The following AGPAT5 variants were observed in gnomAD, a reference collection of about 807,000 sequenced individuals.
AGPAT5 encodes the protein 1-acylglycerol-3-phosphate O-acyltransferase 5.
In AGPAT5, 46 loss-of-function variants were observed where a neutral mutation model predicts 45.6. The ratio of observed to expected loss-of-function variants is 1.01; its 90% CI spans 0.80 to 1.29. AGPAT5 has a LOEUF of 1.29. Among genes scored for constraint, AGPAT5 ranks in the 50% most tolerant of loss-of-function variants. The pLI, the probability that AGPAT5 is intolerant of heterozygous loss-of-function variation, is 0.00. For synonymous variants in AGPAT5, 272 were observed against 167.0 expected, an observed-to-expected ratio of 1.63 and a Z score of -4.85; for missense variants, 673 against 450.7, an observed-to-expected ratio of 1.49 and a Z score of -4.47.
chr8:6,708,716 G>A lies in AGPAT5; in HGVS notation c.48G>A (p.Leu16=). 6.2e-7 allele frequency: 1 copy of A among 1,606,268 alleles called. No homozygotes were observed. Among genetic ancestry groups the A allele is most frequent in the Non-Finnish European group, 8.5e-7 (1 of 1,179,618 alleles). ...ACACGTACTCCATGCGCTACCTGCTGCCCAGCGTCGTGCTCCTGGGCACGG... is the reference window on the plus strand; with the variant it reads ...ACACGTACTCCATGCGCTACCTGCTACCCAGCGTCGTGCTCCTGGGCACGG... ...VLHTYSMRYL[L]PSVVLLGTAP... is the part of the protein sequence containing the mutation. The change falls in exon 1 of 8, where the codon CTG becomes CTA. Residue 16 remains leucine, a synonymous_variant. Coordinates refer to ENST00000285518, the MANE Select transcript of AGPAT5 (RefSeq NM_018361.5).
chr8:6,741,886 T>C (rs762079841), intron 5 of AGPAT5, 135 bp downstream of exon 5: 191 of 633,532 alleles, frequency 3.0e-4, no homozygotes, highest in Non-Finnish European at 4.2e-4. Context: ...AGTGTACATA[T>C]TATCTCTTAG....
chr8:6,744,322 G>A (rs765937312), intron 5 of AGPAT5, among the ~76,000 whole-genome samples: 1 of 152,226 alleles, frequency 6.6e-6, no homozygotes, highest in Non-Finnish European at 1.5e-5. Flanking sequence ...GAAAGCTAGT[G>A]CTCAGCTTTG....
At chr8:6,734,866 CTTTG>C (rs1486176482) in intron 4 of AGPAT5, among the ~76,000 whole-genome samples, 3 of 152,146 alleles carry the variant, frequency 2.0e-5, no homozygotes, top group East Asian at 1.9e-4. Flanking sequence ...GAACTCATTA[CTTTG>C]TTTGTAGGTT....
At chr8:6,729,188 C>G (rs982368078) in intron 2 of AGPAT5, among the ~76,000 whole-genome samples, 1 of 152,124 alleles carries the variant, frequency 6.6e-6, no homozygotes, top group East Asian at 1.9e-4. Context: ...ATTAAAATGG[C>G]TAAATCTTTT....
intron 1 of AGPAT5, among the ~76,000 whole-genome samples, chr8:6,715,085 C>G (rs1007976645): frequency 6.6e-6 from 1 of 152,128 alleles, no homozygotes; most frequent in African/African-American, 2.4e-5. Context: ...TACATTGTTC[C>G]AGGTGCTGTC....
intron 1 of AGPAT5, among the ~76,000 whole-genome samples, chr8:6,724,621 G>C (rs1310212148): frequency 6.6e-6 from 1 of 151,624 alleles, no homozygotes; most frequent in African/African-American, 2.4e-5. Flanking sequence ...ATGAATGCTT[G>C]CTATATTTTT....
At chr8:6,710,071 A>G (rs935603000) in intron 1 of AGPAT5, among the ~76,000 whole-genome samples, 1 of 152,222 alleles carries the variant, frequency 6.6e-6, no homozygotes, top group Non-Finnish European at 1.5e-5. Flanking sequence ...CTTCCACATC[A>G]TGTGACAACT....
chr8:6,728,993 A>G (rs1800778001), intron 2 of AGPAT5, among the ~76,000 whole-genome samples: 1 of 152,208 alleles, frequency 6.6e-6, no homozygotes, highest in South Asian at 2.1e-4. Context: ...CTGGGATCAT[A>G]CACTGTAGGG....
chr8:6,722,517 A>G (rs1800537427), intron 1 of AGPAT5, among the ~76,000 whole-genome samples: 1 of 152,194 alleles, frequency 6.6e-6, no homozygotes, highest in Non-Finnish European at 1.5e-5. Context: ...TCTCTGTGAC[A>G]TTGTGTTATG....
rs930578770 is a variant in AGPAT5 at position 6,716,116 on chromosome 8, G to A, written c.219+7229G>A. On this transcript the variant is annotated intron_variant, in intron 1 of 7. Transcript: ENST00000285518. ...GATGTTACCCCATCTCATTGTCAGG[G>A]TAACTTTTATGTAATATTAACATAT... 3.9e-5 allele frequency among the ~76,000 whole-genome samples: 6 copies of A among 152,140 alleles called. No individual in the cohort carries two copies. In the South Asian group the frequency reaches 1.2e-3, roughly 32 times the overall value.
At position 6,714,113 on chromosome 8, in the gene AGPAT5, A is replaced by C. The variant is rs10112785; in HGVS notation, c.219+5226A>C. 7.0e-3 allele frequency among the ~76,000 whole-genome samples: 1,072 copies of C among 152,284 alleles called. 6 individuals carry two copies. Among genetic ancestry groups the C allele is most frequent in the African/African-American group, 0.023 (974 of 41,554 alleles). ...CTACATTCTTTCTGCACTTCTGCCA[A>C]AATGTTGCCCAGCGTCGTCTCTGAT... On this transcript the variant is annotated intron_variant, in intron 1 of 7. Coordinates refer to ENST00000285518, the MANE Select transcript of AGPAT5 (RefSeq NM_018361.5).
intron 7 of AGPAT5, among the ~76,000 whole-genome samples, chr8:6,756,905 C>G (rs556587541): frequency 3.6e-4 from 55 of 152,294 alleles, no homozygotes; most frequent in African/African-American, 1.3e-3. Context: ...AGACAAAAAG[C>G]ATCCTCATAA....
At chr8:6,735,782 T>C (rs6981720) in intron 4 of AGPAT5, among the ~76,000 whole-genome samples, 1,731 of 152,042 alleles carry the variant, frequency 0.011, 31 homozygotes, top group African/African-American at 0.04. Context: ...TTTCAAAACT[T>C]GGAACAATGT....
chr8:6,752,749 T>G (rs1021858614), intron 6 of AGPAT5, among the ~76,000 whole-genome samples: 1 of 152,256 alleles, frequency 6.6e-6, no homozygotes, highest in African/African-American at 2.4e-5. Flanking sequence ...TGATTTTTAC[T>G]CATGTAACAT....
At chr8:6,723,191 G>T (rs1234480750) in intron 1 of AGPAT5, among the ~76,000 whole-genome samples, 1 of 152,180 alleles carries the variant, frequency 6.6e-6, no homozygotes, top group African/African-American at 2.4e-5. Context: ...GTAAACATCT[G>T]TTAAAAACCA....
chr8:6,754,358 A>T (rs1459844112), intron 6 of AGPAT5, among the ~76,000 whole-genome samples: 1 of 152,182 alleles, frequency 6.6e-6, no homozygotes, highest in Non-Finnish European at 1.5e-5. Context: ...CAATTATATA[A>T]TATGTTAAAA....
At position 6,709,025 on chromosome 8, in the gene AGPAT5, G is replaced by A. The variant is rs1390285875; in HGVS notation, c.219+138G>A. 3 of 827,218 alleles carry A rather than the reference G, an allele frequency of 3.6e-6. No individual in the cohort carries two copies. In the Admixed American group the frequency reaches 6.0e-5, roughly 17 times the overall value. 51.2% of individuals were successfully genotyped at this position (827,218 alleles called of 1,614,324 possible). ...CACGGAGAGCACGTGCCGCCTCCCCGCCTTCCTCTCCGCATGCTTCCTGCC... is the reference window on the plus strand; with the variant it reads ...CACGGAGAGCACGTGCCGCCTCCCCACCTTCCTCTCCGCATGCTTCCTGCC... On this transcript the variant is annotated intron_variant, in intron 1 of 7. Transcript: ENST00000285518.
At chr8:6,725,717 C>T (rs371300785) in intron 2 of AGPAT5, among the ~76,000 whole-genome samples, 95 of 152,250 alleles carry the variant, frequency 6.2e-4, no homozygotes, top group African/African-American at 2.2e-3. Context: ...ACTTTTGATG[C>T]GTACTTCCTA....
chr8:6,754,103 T>G (rs1412883592), intron 6 of AGPAT5, among the ~76,000 whole-genome samples: 2 of 152,188 alleles, frequency 1.3e-5, no homozygotes, highest in Admixed American at 1.3e-4. Flanking sequence ...TCTTAAATCT[T>G]AGGAATATTT....
Sources: gnomAD v4.1 joint callset for allele counts (sites outside exome capture counted in the v4.1 genomes callset) on GRCh38, gnomAD v4.1.1 for gene constraint, MANE v1.5 for transcripts, NCBI Gene and HGNC (gene_info 2026-07-23, HGNC 2026-07-21) for gene names.